The following MYL5 variants were observed in gnomAD, a reference collection of about 807,000 sequenced individuals.
MYL5 encodes myosin regulatory light chain 5.
MYL5 carries 28 observed loss-of-function variants against 20.8 expected under a neutral mutation model. The ratio of observed to expected loss-of-function variants is 1.35; its 90% CI spans 1.00 to 1.84. The LOEUF (loss-of-function observed/expected upper bound fraction) is 1.84. Among genes scored for constraint, MYL5 ranks in the 40% most tolerant of loss-of-function variants. The pLI is 0.00. For synonymous variants in MYL5, 118 were observed against 87.4 expected (o/e 1.35, Z -1.95); for missense variants, 274 against 227.3 (o/e 1.21, Z -1.32).
chr4:676,728 C>T (rs1320325536), upstream of MYL5, among the ~76,000 whole-genome samples: 5 of 152,130 alleles, frequency 3.3e-5, no homozygotes, highest in East Asian at 9.6e-4. Flanking sequence ...CAGCAGTGCC[C>T]CTTCAGGATC....
upstream of MYL5, among the ~76,000 whole-genome samples, chr4:677,149 GCAGACGCAGGC>G (rs1738924626): frequency 6.6e-6 from 1 of 152,308 alleles, no homozygotes; most frequent in South Asian, 2.1e-4. Flanking sequence ...TGCGTCCCAC[GCAGACGCAGGC>G]CTGGGGGGCT....
At chr4:681,120 G>C in exon 6 of MYL5, 3 of 1,607,314 alleles carry the variant, frequency 1.9e-6, no homozygotes, top group Non-Finnish European at 2.5e-6. Flanking sequence ...GTCCCAGGCT[G>C]ACAAGATGAC....
upstream of MYL5, among the ~76,000 whole-genome samples, chr4:676,735 G>T (rs1738879957): frequency 6.6e-6 from 1 of 152,088 alleles, no homozygotes; most frequent in African/African-American, 2.4e-5. Flanking sequence ...GCCCCTTCAG[G>T]ATCACACCCA....
intron 3 of MYL5, 74 bp from the exon 6 acceptor site, chr4:679,840 G>C: frequency 7.5e-7 from 1 of 1,340,340 alleles, no homozygotes; most frequent in Non-Finnish European, 1.1e-6. Context: ...GCCTGGCCCT[G>C]TGCTGGGGTC....
intron 3 of MYL5, among the ~76,000 whole-genome samples, chr4:679,416 G>A (rs191717620): frequency 6.6e-6 from 1 of 152,242 alleles, no homozygotes; most frequent in African/African-American, 2.4e-5. Flanking sequence ...AGCTGACAGA[G>A]GGCGTGGAGA....
At chr4:677,957 C>A in exon 1 of MYL5, 1 of 1,612,658 alleles carries the variant, frequency 6.2e-7, no homozygotes, top group Non-Finnish European at 8.5e-7. Flanking sequence ...TCCTGGGGGA[C>A]CAAGCAGGAG....
At position 679,012 on chromosome 4, in the gene MYL5, A is replaced by T. The variant is rs754207382; in HGVS notation, c.166A>T (p.Lys56Ter). ...TGGCTTCATTGACAAGGAGGACCTGAAGGACACCTATGCCTCCCTGGGTAG... is the reference window on the plus strand; with the variant it reads ...TGGCTTCATTGACAAGGAGGACCTGTAGGACACCTATGCCTCCCTGGGTAG... The change falls in exon 3 of 7, where the codon AAG becomes TAG. Residue 56 changes from lysine (K) to a stop codon, truncating the protein, a stop_gained. Transcript: ENST00000400159. LOFTEE classifies it high-confidence loss of function. 8 of 1,613,774 alleles carry T rather than the reference A, an allele frequency of 5.0e-6. No individual in the cohort carries two copies. The highest frequency in any genetic ancestry group is 5.9e-6 in the Non-Finnish European group (7 of 1,179,946).
At chr4:677,953 G>A (rs2109327510) in exon 1 of MYL5, 1 of 1,612,498 alleles carries the variant, frequency 6.2e-7, no homozygotes. Context: ...ACTGTCCTGG[G>A]GGACCAAGCA....
At chr4:681,200 CT>C in intron 6 of MYL5, 60 bp downstream of exon 8, 3 of 1,560,196 alleles carry the variant, frequency 1.9e-6, no homozygotes, top group Non-Finnish European at 2.6e-6. Context: ...CCGGGGTCAG[CT>C]GGGTGGAGGG....
chr4:679,686 T>C (rs1739246027), intron 3 of MYL5, among the ~76,000 whole-genome samples: 1 of 152,166 alleles, frequency 6.6e-6, no homozygotes, highest in Non-Finnish European at 1.5e-5. Context: ...CCAGGCTCTG[T>C]GTCACCTCCC....
intron 6 of MYL5, among the ~76,000 whole-genome samples, chr4:681,401 G>C (rs991898436): frequency 1.3e-5 from 2 of 152,168 alleles, no homozygotes; most frequent in African/African-American, 4.8e-5. Flanking sequence ...GTCCCAGCCG[G>C]AGGGGCGGGG....
chr4:678,408 C>G lies in MYL5; in HGVS notation c.4-250C>G. 5 of 1,419,662 alleles carry G rather than the reference C, an allele frequency of 3.5e-6. No homozygotes were observed. The South Asian group carries it at 7.6e-5, about 22-fold the overall frequency. The allele number at this position is 1,419,662 out of a possible 1,614,324, so 87.9% of individuals were successfully genotyped here. A position where few individuals can be genotyped will look rare whatever the true frequency, so the allele number is the denominator to read the frequency against. ...TGGACGGCGATCCCTGACCACTGTG[C>G]TCTGTGGGCCTTCTGGAAGCCACTG... On this transcript the variant is annotated intron_variant, in intron 1 of 6. Transcript: ENST00000400159.
intron 6 of MYL5, 102 bp downstream of exon 8, chr4:681,242 T>C: frequency 7.0e-7 from 1 of 1,419,980 alleles, no homozygotes; most frequent in Non-Finnish European, 9.6e-7. Context: ...AGCGCCGCGG[T>C]TAGGACCCAG....
At position 678,044 on chromosome 4, in the gene MYL5, G is replaced by A. The variant is rs748216275; in HGVS notation, c.3+15G>A. The A allele has an allele frequency of 5.6e-6, 9 of 1,613,180 alleles. No homozygotes were observed. Among genetic ancestry groups the A allele is most frequent in the East Asian group, 2.2e-5 (1 of 44,862 alleles). On this transcript the variant is annotated intron_variant, in intron 1 of 6. Transcript: ENST00000400159. ...AAGCAGGCATGGTGAGCAGGCCGCCGTGCATGCCTGGGGCAGGCGTGTGGG... is the reference window on the plus strand; with the variant it reads ...AAGCAGGCATGGTGAGCAGGCCGCCATGCATGCCTGGGGCAGGCGTGTGGG...
intron 1 of MYL5, 105 bp from the exon 4 acceptor site, chr4:678,553 G>T: frequency 6.7e-7 from 1 of 1,487,804 alleles, no homozygotes; most frequent in Non-Finnish European, 8.9e-7. Flanking sequence ...AGCCCGAAGG[G>T]CTGAGGTCCA....
Position 679,926 on chromosome 4 carries a change from T to C in MYL5, c.200T>C (p.Val67Ala). ...ATGTCTGTAACAGGCAAGACCAACG[T>C]CAAGGACGACGAGCTGGACGCCATG... The change falls in exon 4 of 7, where the codon GTC becomes GCC. Residue 67 changes from valine (V) to alanine (A), a missense_variant. Transcript: ENST00000400159. The C allele has an allele frequency of 6.2e-7, 1 of 1,613,522 alleles. No individual in the cohort carries two copies. The highest frequency in any genetic ancestry group is 1.7e-4 in the Middle Eastern group (1 of 6,060).
exon 6 of MYL5, chr4:681,096 A>G (rs1264381203): frequency 6.2e-7 from 1 of 1,603,178 alleles, no homozygotes. Flanking sequence ...CCTCAGCATC[A>G]AGCGTCTGCT....
intron 6 of MYL5, 49 bp from the exon 9 acceptor site, chr4:681,844 G>C (rs780509352): frequency 2.3e-6 from 3 of 1,298,530 alleles, no homozygotes; most frequent in South Asian, 6.4e-5. Flanking sequence ...GTGCGCGCTT[G>C]TAATTCGCTC....
upstream of MYL5, chr4:674,624 A>G (rs1423880284): frequency 3.2e-6 from 1 of 313,048 alleles, no homozygotes; most frequent in Non-Finnish European, 6.0e-6. Context: ...GTGTGTCCAC[A>G]CCCCAGACTG....
Sources: allele counts gnomAD v4.1 joint callset (sites outside exome capture counted in the v4.1 genomes callset), GRCh38; gene constraint gnomAD v4.1.1; transcripts MANE v1.5; gene names NCBI Gene and HGNC (gene_info 2026-07-23, HGNC 2026-07-21).